The following PLEKHG7 variants were observed in gnomAD, a reference collection of about 807,000 sequenced individuals.
PLEKHG7 encodes the protein pleckstrin homology and RhoGEF domain containing G7, also known as pleckstrin homology domain-containing family G member 7.
Under a neutral mutation model 85.2 loss-of-function variants are expected in PLEKHG7, and 77 were observed. The observed-to-expected ratio is 0.90, with a 90% confidence interval of 0.75 to 1.09. The LOEUF (loss-of-function observed/expected upper bound fraction) is 1.09. PLEKHG7 is among the 50% of genes least tolerant of loss of function. The pLI, the probability that PLEKHG7 is intolerant of heterozygous loss-of-function variation, is 0.00. For missense variants in PLEKHG7, 777 were observed against 804.3 expected, an observed-to-expected ratio of 0.97 and a Z score of 0.41; for synonymous variants, 301 against 302.4, an observed-to-expected ratio of 1.00 and a Z score of 0.05.
At chr12:92,725,516 T>G (rs941568540) in intron 3 of PLEKHG7, among the ~76,000 whole-genome samples, 2 of 152,158 alleles carry the variant, frequency 1.3e-5, no homozygotes, top group Non-Finnish European at 2.9e-5. Flanking sequence ...TTGGAAGATG[T>G]TGAGGCCCTG....
chr12:92,759,131 A>G (rs1181899593), intron 13 of PLEKHG7, among the ~76,000 whole-genome samples: 2 of 152,224 alleles, frequency 1.3e-5, no homozygotes, highest in Non-Finnish European at 2.9e-5. Flanking sequence ...CTTATAATCA[A>G]ATAAGTATAT....
chr12:92,712,916 T>A (rs1006881435), intron 3 of PLEKHG7, among the ~76,000 whole-genome samples: 1 of 152,156 alleles, frequency 6.6e-6, no homozygotes, highest in Non-Finnish European at 1.5e-5. Flanking sequence ...AGGACCACAA[T>A]GATGTTTTGG....
At chr12:92,759,451 G>C (rs953552783) in intron 13 of PLEKHG7, among the ~76,000 whole-genome samples, 1 of 145,884 alleles carries the variant, frequency 6.9e-6, no homozygotes, top group Non-Finnish European at 1.6e-5. Context: ...GCTGTGGACT[G>C]AATTGTGTTC....
chr12:92,750,816 T>C (rs540197004), intron 10 of PLEKHG7, among the ~76,000 whole-genome samples: 1 of 152,104 alleles, frequency 6.6e-6, no homozygotes, highest in Admixed American at 6.5e-5. Flanking sequence ...ACCACAGTCA[T>C]TTGGAGGAGA....
chr12:92,727,811 G>A (rs968369652), intron 3 of PLEKHG7, among the ~76,000 whole-genome samples: 1 of 151,500 alleles, frequency 6.6e-6, no homozygotes, highest in East Asian at 2.0e-4. Flanking sequence ...GGCTAGTCTC[G>A]AACTCCTGAC....
At chr12:92,707,346 C>T (rs577795281) in intron 2 of PLEKHG7, 29 of 1,428,796 alleles carry the variant, frequency 2.0e-5, no homozygotes, top group Non-Finnish European at 1.9e-5. Context: ...AATGATCTCG[C>T]TCACTTTCTT....
intron 3 of PLEKHG7, 130 bp downstream of exon 3, chr12:92,707,802 G>T (rs1321761807): frequency 1.1e-5 from 16 of 1,487,866 alleles, no homozygotes; most frequent in Non-Finnish European, 1.5e-5. Context: ...TAGCACTCAA[G>T]TCACTCTTCG....
chr12:92,719,726 A>G (rs2136580313), intron 3 of PLEKHG7, among the ~76,000 whole-genome samples: 1 of 152,358 alleles, frequency 6.6e-6, no homozygotes, highest in South Asian at 2.1e-4. Flanking sequence ...TCCTTGGCTT[A>G]AGTCTGCTGC....
Position 92,707,148 on chromosome 12 carries a change from C to G in PLEKHG7, c.507+10C>G, listed in dbSNP as rs370820074. On this transcript the variant is annotated intron_variant, in intron 2 of 16. Transcript: ENST00000344636. ...ACACCCTAGTCCTCAGGTAACACAGCTCTAAGCCTCCGGCCTCTCAGTTGC... is the reference window on the plus strand; with the variant it reads ...ACACCCTAGTCCTCAGGTAACACAGGTCTAAGCCTCCGGCCTCTCAGTTGC... 1.2e-6 allele frequency: 2 copies of G among 1,602,538 alleles called. No individual in the cohort carries two copies. Among genetic ancestry groups the G allele is most frequent in the East Asian group, 4.5e-5 (2 of 44,728 alleles).
chr12:92,745,662 T>C, intron 10 of PLEKHG7, 71 bp downstream of exon 10: 1 of 971,646 alleles, frequency 1.0e-6, no homozygotes, highest in Non-Finnish European at 1.6e-6. Flanking sequence ...CTGGGAATGA[T>C]TATATCTAAA....
rs1219242138 is a variant in PLEKHG7 at position 92,761,632 on chromosome 12, A to G, written c.1637-120A>G. ...AAAAGAAAGAAAGAAAGAAGAAAGA[A>G]AGAAAGAAAGAAAGAAAGAAAGAAA... On this transcript the variant is annotated intron_variant, in intron 13 of 16. Transcript: ENST00000344636. 2.6e-4 allele frequency: 59 copies of G among 225,960 alleles called. 1 individual carries two copies. The highest frequency in any genetic ancestry group is 3.5e-4 in the Non-Finnish European group (58 of 164,632). 14.0% of individuals were successfully genotyped at this position (225,960 alleles called of 1,614,324 possible).
At chr12:92,747,438 G>A (rs193064998) in intron 10 of PLEKHG7, among the ~76,000 whole-genome samples, 1 of 152,266 alleles carries the variant, frequency 6.6e-6, no homozygotes, top group Admixed American at 6.5e-5. Flanking sequence ...TAGAGAAAAG[G>A]GAACTTTTGT....
chr12:92,741,492 C>T lies in PLEKHG7; in HGVS notation c.1037C>T (p.Thr346Ile), dbSNP rs1872354023. 8 of 1,604,754 alleles carry T rather than the reference C, an allele frequency of 5.0e-6. No homozygotes were observed. Among genetic ancestry groups the T allele is most frequent in the Non-Finnish European group, 6.8e-6 (8 of 1,175,988 alleles). The change falls in exon 9 of 17, where the codon ACA becomes ATA. Residue 346 changes from threonine (T) to isoleucine (I), a missense_variant and splice_region_variant. By Grantham distance (89) the Thr-to-Ile change is moderately conservative. Transcript: ENST00000344636. The stretch of plus-strand genomic sequence containing the variant: ...TGTTTTCTTTCTCTCTGTCCCTAGA[C>T]AAGCCTTGGTTTTGTGAACAGTCTC... ...LFANLEELTQ[T>I]SLGFVNSLFG... is the part of the protein sequence containing the mutation.
intron 13 of PLEKHG7, among the ~76,000 whole-genome samples, chr12:92,759,906 A>T (rs569882665): frequency 6.6e-6 from 1 of 152,028 alleles, no homozygotes; most frequent in African/African-American, 2.4e-5. Context: ...AAGATAGTTT[A>T]TTTCTCTCTT....
At chr12:92,761,316 T>C (rs1159187968) in intron 13 of PLEKHG7, among the ~76,000 whole-genome samples, 1 of 151,922 alleles carries the variant, frequency 6.6e-6, no homozygotes, top group Admixed American at 6.6e-5. Flanking sequence ...CTCGGCTGAG[T>C]TGAAGCCACT....
At chr12:92,762,890 A>G (rs991959591) in intron 14 of PLEKHG7, among the ~76,000 whole-genome samples, 1 of 152,196 alleles carries the variant, frequency 6.6e-6, no homozygotes, top group Non-Finnish European at 1.5e-5. Flanking sequence ...ATGAATAGCT[A>G]ATCGGTGGTT....
chr12:92,738,327 G>A (rs909538095), intron 7 of PLEKHG7, among the ~76,000 whole-genome samples: 5 of 152,156 alleles, frequency 3.3e-5, no homozygotes, highest in African/African-American at 1.2e-4. Flanking sequence ...GGGCCACACA[G>A]CTCCCAAGGT....
At chr12:92,722,347 T>A (rs141818082) in intron 3 of PLEKHG7, among the ~76,000 whole-genome samples, 1 of 152,214 alleles carries the variant, frequency 6.6e-6, no homozygotes, top group Non-Finnish European at 1.5e-5. Flanking sequence ...GATGTTCTGA[T>A]TGCTTTCCTA....
chr12:92,741,500 G>T lies in PLEKHG7; in HGVS notation c.1045G>T (p.Gly349Cys). 1 of 1,607,950 alleles carries T rather than the reference G, an allele frequency of 6.2e-7. No homozygotes were observed. The highest frequency in any genetic ancestry group is 1.1e-5 in the South Asian group (1 of 90,024). The change falls in exon 9 of 17, where the codon GGT (glycine) becomes TGT (cysteine). Residue 349 changes from glycine (G) to cysteine (C), a missense_variant. This residue lies in a region of PLEKHG7 where 520 missense variants were observed against 544.0 expected (regional missense o/e 0.96). Coordinates refer to ENST00000344636, the MANE Select transcript of PLEKHG7 (RefSeq NM_001377329.1). Reference protein sequence around the residue: ...NLEELTQTSLGFVNSLFGIIK... With the variant: ...NLEELTQTSLCFVNSLFGIIK... Reference sequence around the variant, plus strand: ...TTCTCTCTGTCCCTAGACAAGCCTTGGTTTTGTGAACAGTCTCTTTGGCAT... The same window carrying T: ...TTCTCTCTGTCCCTAGACAAGCCTTTGTTTTGTGAACAGTCTCTTTGGCAT...
Sources: gnomAD v4.1 joint callset for allele counts (sites outside exome capture counted in the v4.1 genomes callset) on GRCh38, gnomAD v4.1.1 for gene constraint, gnomAD v4.1.1 regional missense constraint, MANE v1.5 for transcripts, NCBI Gene and HGNC (gene_info 2026-07-23, HGNC 2026-07-21) for gene names.